Variants in KNTC1 observed in about 807,000 individuals in gnomAD.
The protein encoded by KNTC1 is kinetochore-associated protein 1.
Under a neutral mutation model 314.4 loss-of-function variants are expected in KNTC1, and 253 were observed. The ratio of observed to expected loss-of-function variants is 0.80; its 90% CI spans 0.73 to 0.89. The LOEUF (loss-of-function observed/expected upper bound fraction) is 0.89. KNTC1 is among the 40% of genes least tolerant of loss of function. The pLI is 0.00. For synonymous variants in KNTC1, 901 were observed against 901.4 expected, an observed-to-expected ratio of 1.00 and a Z score of 0.01; for missense variants, 2,475 against 2,572.9, an observed-to-expected ratio of 0.96 and a Z score of 0.82.
intron 1 of KNTC1, among the ~76,000 whole-genome samples, chr12:122,528,770 A>G (rs1208985507): frequency 6.6e-6 from 1 of 152,162 alleles, no homozygotes; most frequent in African/African-American, 2.4e-5. Context: ...CTTGCGTAAC[A>G]GTGTAAATGT....
At chr12:122,597,634 TCAA>T (rs983741195) in intron 43 of KNTC1, 94 bp from the exon 44 acceptor site, 2 of 971,230 alleles carry the variant, frequency 2.1e-6, no homozygotes, top group African/African-American at 3.2e-5. Context: ...AGGTTAAATT[TCAA>T]CAATGGAAGC....
chr12:122,619,767 T>C (rs1874212445), intron 59 of KNTC1, among the ~76,000 whole-genome samples: 1 of 152,108 alleles, frequency 6.6e-6, no homozygotes, highest in African/African-American at 2.4e-5. Context: ...CTACTTCCCA[T>C]GTGTTGTGCG....
chr12:122,624,501 C>T, intron 62 of KNTC1, 97 bp from the exon 63 acceptor site: 1 of 746,734 alleles, frequency 1.3e-6, no homozygotes. Flanking sequence ...CTCCTGGACC[C>T]AAGCCATCTG....
rs754669999 is a variant in KNTC1 at position 122,609,411 on chromosome 12, G to A, written c.5524G>A (p.Glu1842Lys). 1 of 1,586,444 alleles carries A rather than the reference G, an allele frequency of 6.3e-7. No individual in the cohort carries two copies. Among genetic ancestry groups the A allele is most frequent in the Non-Finnish European group, 8.6e-7 (1 of 1,164,694 alleles). Reference protein sequence around the residue: ...EKPSELFELQEDEALRRVQYL... With the variant: ...EKPSELFELQKDEALRRVQYL... ...ACCATCAGAATTATTTGAACTTCAA[G>A]AAGATGAAGCCCTACGAAGGTACTC... Residue 1842 changes from glutamate to lysine, a missense_variant, in exon 52 of 64, where the codon GAA becomes AAA. Glu to Lys is a moderately conservative substitution (Grantham distance 56). Transcript: ENST00000333479.
rs567771970 is a variant in KNTC1, at chr12:122,558,792, C to G, written c.1488+1103C>G. 5.3e-5 allele frequency among the ~76,000 whole-genome samples: 8 copies of G among 152,196 alleles called. No individual in the cohort carries two copies. In the East Asian group the frequency reaches 1.5e-3, roughly 29 times the overall value. ...TTGGCAGGCTGAGGCATGAGAATTG[C>G]TTGAACCTGGTAGGCAGAGGTTAGG... is the stretch of plus-strand genomic sequence containing the variant. On this transcript the variant is annotated intron_variant, in intron 18 of 63. Transcript: ENST00000333479.
At chr12:122,556,731 G>A (rs1289659869) in intron 16 of KNTC1, among the ~76,000 whole-genome samples, 1 of 151,434 alleles carries the variant, frequency 6.6e-6, no homozygotes, top group Non-Finnish European at 1.5e-5. Flanking sequence ...CCAAAGTGCT[G>A]GGATTACAGG....
chr12:122,530,320 A>C, intron 2 of KNTC1, 128 bp downstream of exon 2: 2 of 775,532 alleles, frequency 2.6e-6, no homozygotes, highest in East Asian at 2.6e-5. Flanking sequence ...ATTCAATCTC[A>C]GATTGCTAGA....
Position 122,624,683 on chromosome 12 carries a change from C to G in KNTC1, c.6601C>G (p.Leu2201Val). 6.2e-7 allele frequency: 1 copy of G among 1,611,568 alleles called. No individual in the cohort carries two copies. Among genetic ancestry groups the G allele is most frequent in the South Asian group, 1.1e-5 (1 of 91,040 alleles). ...VPPDTAPCEI[L>V]KMFLSGLS ...TCCAGACACTGCTCCCTGTGAAATT[C>G]TGAAGGTAAAGCTGATGGAAAGTTC... The change falls in exon 63 of 64, where the codon CTG becomes GTG. Residue 2201 changes from leucine to valine, a missense_variant. Physicochemically the swap from Leu to Val is conservative, Grantham distance 32 (BLOSUM62 1). Transcript: ENST00000333479.
intron 51 of KNTC1, chr12:122,609,130 T>A: frequency 2.4e-6 from 1 of 416,622 alleles, no homozygotes; most frequent in South Asian, 4.1e-5. Flanking sequence ...ATTTGCTTTA[T>A]TTACTCAGGC....
rs71085821 is a variant in KNTC1 at position 122,554,064 on chromosome 12, TAAAAA to T, written c.1272+2377_1272+2381del. 5.6e-4 allele frequency among the ~76,000 whole-genome samples: 69 copies of T among 122,552 alleles called. 1 individual carries two copies. Among genetic ancestry groups the T allele is most frequent in the African/African-American group, 2.2e-3 (66 of 30,540 alleles). 80.4% of individuals were successfully genotyped at this position (122,552 alleles called of 152,430 possible). A position where few individuals can be genotyped will look rare whatever the true frequency, so the allele number is the denominator to read the frequency against. On this transcript the variant is annotated intron_variant, in intron 16 of 63. Transcript: ENST00000333479. ...GTTTTAAACATACAGAATACTTCCT[TAAAAA>T]AAAAAAAATATATATATATATATAT... is the stretch of plus-strand genomic sequence containing the variant.
intron 27 of KNTC1, among the ~76,000 whole-genome samples, chr12:122,574,640 G>A (rs1461332243): frequency 6.6e-6 from 1 of 152,122 alleles, no homozygotes; most frequent in Non-Finnish European, 1.5e-5. Context: ...TGTATTTTTT[G>A]TAGAGACAGG....
chr12:122,539,116 A>G (rs1017848792), intron 4 of KNTC1, among the ~76,000 whole-genome samples: 9 of 152,326 alleles, frequency 5.9e-5, no homozygotes, highest in African/African-American at 2.2e-4. Flanking sequence ...AAGTAACTCC[A>G]GGAGACAAAT....
At chr12:122,571,355 T>G (rs957033442) in intron 24 of KNTC1, among the ~76,000 whole-genome samples, 3 of 151,774 alleles carry the variant, frequency 2.0e-5, no homozygotes, top group Non-Finnish European at 4.4e-5. Flanking sequence ...ATTTATATAT[T>G]TATTTATTTA....
chr12:122,606,108 C>T (rs146837521), intron 51 of KNTC1, among the ~76,000 whole-genome samples: 5 of 152,158 alleles, frequency 3.3e-5, no homozygotes, highest in Non-Finnish European at 7.4e-5. Context: ...AGTGATCCTC[C>T]CGCCTCGATT....
intron 3 of KNTC1, among the ~76,000 whole-genome samples, chr12:122,535,407 C>G (rs1961712304): frequency 6.6e-6 from 1 of 151,988 alleles, no homozygotes; most frequent in South Asian, 2.1e-4. Context: ...TTGGAAGGCC[C>G]AGGTGGGTGG....
chr12:122,571,838 T>G (rs1488664325), intron 24 of KNTC1, among the ~76,000 whole-genome samples: 3 of 151,718 alleles, frequency 2.0e-5, no homozygotes, highest in African/African-American at 7.3e-5. Flanking sequence ...CCTGGCTAAT[T>G]TTTTTTATAC....
chr12:122,612,368 T>C (rs1281473232), intron 53 of KNTC1, among the ~76,000 whole-genome samples: 1 of 147,952 alleles, frequency 6.8e-6, no homozygotes, highest in African/African-American at 2.5e-5. Flanking sequence ...ACCCAGCCCA[T>C]CAAGAACATT....
intron 56 of KNTC1, 98 bp downstream of exon 56, chr12:122,615,184 A>T (rs1873636062): frequency 1.1e-6 from 1 of 934,868 alleles, no homozygotes; most frequent in Admixed American, 2.4e-5. Context: ...GAACAGATTT[A>T]TGCTGAAAAC....
intron 18 of KNTC1, among the ~76,000 whole-genome samples, chr12:122,559,721 C>T (rs372289781): frequency 3.9e-5 from 6 of 151,972 alleles, no homozygotes; most frequent in African/African-American, 1.2e-4. Context: ...TACAGGCTCC[C>T]GCTGCCACCA....
Sources: gnomAD v4.1 joint callset for allele counts (sites outside exome capture counted in the v4.1 genomes callset) on GRCh38, gnomAD v4.1.1 for gene constraint, MANE v1.5 for transcripts, NCBI Gene and HGNC (gene_info 2026-07-23, HGNC 2026-07-21) for gene names.